The following ROR1 variants were observed in gnomAD, a reference collection of about 807,000 sequenced individuals.
ROR1 encodes ROR family WNT receptor 1.
ROR1 carries 19 observed loss-of-function variants against 78.8 expected under a neutral mutation model. The observed-to-expected ratio is 0.24, with a 90% confidence interval of 0.17 to 0.35. The LOEUF is 0.35. Ranked by LOEUF, ROR1 falls within the 10% of genes least tolerant of loss-of-function variation. The probability of loss-of-function intolerance (pLI) is 1.00; values close to 1 mark genes in which losing one functional copy is unlikely to be tolerated. For missense variants in ROR1, 917 were observed against 1,177.8 expected (o/e 0.78, Z 3.24); for synonymous variants, 386 against 433.6 (o/e 0.89, Z 1.36).
chr1:63,832,905 G>A (rs1644997390), intron 1 of ROR1, among the ~76,000 whole-genome samples: 1 of 152,198 alleles, frequency 6.6e-6, no homozygotes, highest in South Asian at 2.1e-4. Context: ...TTACACTCGA[G>A]TTACACTCAT....
intron 1 of ROR1, among the ~76,000 whole-genome samples, chr1:63,882,529 T>C (rs974803616): frequency 4.6e-5 from 7 of 152,160 alleles, no homozygotes; most frequent in African/African-American, 1.4e-4. Context: ...ACCAGATGTC[T>C]CAAACAGCTT....
At chr1:63,792,958 C>T (rs1256971664) in intron 1 of ROR1, among the ~76,000 whole-genome samples, 1 of 152,194 alleles carries the variant, frequency 6.6e-6, no homozygotes, top group East Asian at 1.9e-4. Context: ...GCTAGGACTC[C>T]CAGTCCACTC....
intron 1 of ROR1, among the ~76,000 whole-genome samples, chr1:63,949,226 C>T (rs528424915): frequency 2.6e-5 from 4 of 152,202 alleles, no homozygotes; most frequent in African/African-American, 4.8e-5. Context: ...CTAAAATAGA[C>T]GAAATCAGGT....
At chr1:63,886,191 C>T (rs1235021323) in intron 1 of ROR1, among the ~76,000 whole-genome samples, 6 of 152,110 alleles carry the variant, frequency 3.9e-5, no homozygotes, top group Admixed American at 6.6e-5. Flanking sequence ...GTGATGTGAG[C>T]GATGAGGAGT....
intron 7 of ROR1, among the ~76,000 whole-genome samples, chr1:64,149,803 C>G (rs1378008956): frequency 6.6e-6 from 1 of 152,218 alleles, no homozygotes; most frequent in African/African-American, 2.4e-5. Flanking sequence ...TAACTGGCAT[C>G]TAGGCACACT....
intron 4 of ROR1, among the ~76,000 whole-genome samples, chr1:64,117,085 G>T (rs1169975360): frequency 6.6e-6 from 1 of 152,088 alleles, no homozygotes; most frequent in Non-Finnish European, 1.5e-5. Flanking sequence ...ACCAGTGATT[G>T]GTCAATGATG....
At chr1:64,108,409 A>T (rs1647927553) in intron 4 of ROR1, 1 of 103,264 alleles carries the variant, frequency 9.7e-6, no homozygotes. Context: ...AAAAAAAAAA[A>T]AAAAAAAAAA....
chr1:64,138,546 CTTT>C (rs1185135650), intron 5 of ROR1, among the ~76,000 whole-genome samples: 3 of 133,656 alleles, frequency 2.2e-5, no homozygotes. Context: ...GGGAGGAGGA[CTTT>C]TTTTTTTTTT....
At chr1:64,163,211 C>G (rs887993615) in intron 8 of ROR1, among the ~76,000 whole-genome samples, 1 of 138,642 alleles carries the variant, frequency 7.2e-6, no homozygotes, top group Non-Finnish European at 1.5e-5. Context: ...TGGGGAAACC[C>G]CATCTCTACA....
intron 8 of ROR1, among the ~76,000 whole-genome samples, chr1:64,169,209 T>A (rs1389782282): frequency 6.6e-6 from 1 of 152,222 alleles, no homozygotes. Flanking sequence ...CAGGGTCTGC[T>A]CATCATTCCT....
intron 4 of ROR1, among the ~76,000 whole-genome samples, chr1:64,056,630 C>T (rs1419723332): frequency 6.7e-6 from 1 of 150,114 alleles, no homozygotes; most frequent in African/African-American, 2.5e-5. Context: ...GAGCTGAGAT[C>T]ATGCCATTGC....
chr1:64,114,497 C>T (rs1267103392), intron 4 of ROR1, among the ~76,000 whole-genome samples: 1 of 152,068 alleles, frequency 6.6e-6, no homozygotes, highest in African/African-American at 2.4e-5. Context: ...ACAGGTAGTA[C>T]TGAAAGAACC....
intron 4 of ROR1, among the ~76,000 whole-genome samples, chr1:64,059,809 G>T (rs1352582164): frequency 6.6e-6 from 1 of 151,112 alleles, no homozygotes; most frequent in Non-Finnish European, 1.5e-5. Flanking sequence ...CCTACCCTTT[G>T]CCAAGAGGTT....
intron 1 of ROR1, among the ~76,000 whole-genome samples, chr1:63,795,704 C>T (rs1032538600): frequency 3.3e-5 from 5 of 152,188 alleles, no homozygotes; most frequent in South Asian, 2.1e-4. Context: ...AAACACTTCA[C>T]GTGCCTTAGA....
At chr1:64,060,384 A>G (rs1208905305) in intron 4 of ROR1, among the ~76,000 whole-genome samples, 1 of 152,232 alleles carries the variant, frequency 6.6e-6, no homozygotes, top group Non-Finnish European at 1.5e-5. Context: ...AACCCCAACC[A>G]GAGACCTTGA....
At chr1:63,936,100 G>A (rs896958362) in intron 1 of ROR1, among the ~76,000 whole-genome samples, 8 of 152,190 alleles carry the variant, frequency 5.3e-5, no homozygotes, top group Non-Finnish European at 8.8e-5. Flanking sequence ...TTGAAAGACC[G>A]TTATGGAGAA....
chr1:64,141,539 G>A (rs1420936296), intron 6 of ROR1, among the ~76,000 whole-genome samples: 2 of 152,070 alleles, frequency 1.3e-5, no homozygotes, highest in Admixed American at 1.3e-4. Flanking sequence ...ATGAGATTTG[G>A]TGGGGACACA....
intron 4 of ROR1, among the ~76,000 whole-genome samples, chr1:64,082,170 G>C (rs966750786): frequency 3.9e-5 from 6 of 152,128 alleles, no homozygotes; most frequent in Non-Finnish European, 8.8e-5. Context: ...TTGAACCCTG[G>C]GAAATACTGA....
intron 1 of ROR1, among the ~76,000 whole-genome samples, chr1:63,801,796 C>T (rs1644798848): frequency 6.6e-6 from 1 of 152,184 alleles, no homozygotes. Flanking sequence ...ACTTTAACTG[C>T]CTAGCTGTAC....
Sources: allele counts gnomAD v4.1 joint callset (sites outside exome capture counted in the v4.1 genomes callset), GRCh38; gene constraint gnomAD v4.1.1; transcripts MANE v1.5; gene names NCBI Gene and HGNC (gene_info 2026-07-23, HGNC 2026-07-21).